Variants in ZMYND8 observed in about 807,000 individuals in gnomAD.
ZMYND8 encodes the protein MYND-type zinc finger-containing chromatin reader ZMYND8.
ZMYND8 carries 37 observed loss-of-function variants against 140.8 expected under a neutral mutation model. The observed-to-expected ratio is 0.26, with a 90% CI of 0.20 to 0.35. ZMYND8 has a LOEUF of 0.35. Among genes scored for constraint, ZMYND8 ranks in the 10% least tolerant of loss-of-function variants. ZMYND8 has a pLI of 1.00. For synonymous variants in ZMYND8, 592 were observed against 597.1 expected (o/e 0.99, Z 0.12); for missense variants, 1,068 against 1,570.0 (o/e 0.68, Z 5.40).
intron 2 of ZMYND8, among the ~76,000 whole-genome samples, chr20:47,339,313 G>C (rs533065793): frequency 1.3e-5 from 2 of 152,030 alleles, no homozygotes; most frequent in African/African-American, 2.4e-5. Context: ...GGGGTCTTCC[G>C]GGCATGGTTT....
chr20:47,245,403 C>T (rs546479742), intron 14 of ZMYND8, among the ~76,000 whole-genome samples: 28 of 152,230 alleles, frequency 1.8e-4, no homozygotes, highest in African/African-American at 4.6e-4. Flanking sequence ...CCTGCTACCA[C>T]GCCCCGCTAA....
At chr20:47,219,260 G>A (rs911626804) in intron 21 of ZMYND8, among the ~76,000 whole-genome samples, 22 of 151,806 alleles carry the variant, frequency 1.4e-4, no homozygotes, top group Admixed American at 1.1e-3. Context: ...GTTTCACCAT[G>A]TTGGTCAGGC....
intron 15 of ZMYND8, 40 bp downstream of exon 15, chr20:47,238,718 G>C (rs2039567274): frequency 2.5e-6 from 4 of 1,578,682 alleles, no homozygotes; most frequent in Non-Finnish European, 3.4e-6. Flanking sequence ...TGGCAAAATG[G>C]GAGCGGGCGC....
intron 2 of ZMYND8, chr20:47,319,006 G>A (rs776825609): frequency 3.0e-6 from 4 of 1,351,500 alleles, no homozygotes; most frequent in Non-Finnish European, 3.9e-6. Flanking sequence ...GTTCAAAAGA[G>A]AACAGAGGCT....
At chr20:47,272,334 C>T (rs2076005288) in intron 11 of ZMYND8, among the ~76,000 whole-genome samples, 1 of 152,146 alleles carries the variant, frequency 6.6e-6, no homozygotes, top group African/African-American at 2.4e-5. Flanking sequence ...GTCTCGACCT[C>T]CCAAAGTGCT....
intron 14 of ZMYND8, among the ~76,000 whole-genome samples, chr20:47,243,700 C>A (rs2040223875): frequency 6.6e-6 from 1 of 152,140 alleles, no homozygotes; most frequent in African/African-American, 2.4e-5. Context: ...GGTTATGTAT[C>A]CTTGTCAATC....
intron 10 of ZMYND8, among the ~76,000 whole-genome samples, chr20:47,280,900 C>T (rs771510687): frequency 3.9e-5 from 6 of 152,306 alleles, no homozygotes; most frequent in East Asian, 1.9e-4. Context: ...CTTCCCCTCC[C>T]GACCTCTGCT....
chr20:47,217,154 G>T (rs994410463), intron 21 of ZMYND8, among the ~76,000 whole-genome samples: 4 of 151,846 alleles, frequency 2.6e-5, no homozygotes, highest in African/African-American at 9.7e-5. Flanking sequence ...AAGGAGGGAG[G>T]TATAGAAACA....
chr20:47,281,875 C>T (rs2076627447), intron 10 of ZMYND8, among the ~76,000 whole-genome samples: 1 of 152,152 alleles, frequency 6.6e-6, no homozygotes, highest in Non-Finnish European at 1.5e-5. Flanking sequence ...GTTTCATCAA[C>T]AGACCCAGTA....
At position 47,271,371 on chromosome 20, in the gene ZMYND8, G is replaced by T. The variant is rs146789510; in HGVS notation, c.1480+4943C>A. 3.9e-5 allele frequency among the ~76,000 whole-genome samples: 6 copies of T among 152,312 alleles called. No individual in the cohort carries two copies. The East Asian group carries it at 1.2e-3, about 29-fold the overall frequency. ...TGCTTATCATTGTAGCACTAAAGTA[G>T]CCCCAAGCTGCTGTAGTACCTCTAG... On this transcript the variant is annotated intron_variant, in intron 11 of 22. Transcript: ENST00000471951.
intron 2 of ZMYND8, among the ~76,000 whole-genome samples, chr20:47,341,814 TA>T (rs1186801872): frequency 6.6e-6 from 1 of 151,262 alleles, no homozygotes; most frequent in Non-Finnish European, 1.5e-5. Flanking sequence ...CCATCCTGCC[TA>T]ACATGGGGAA....
At chr20:47,283,845 A>G (rs1055502477) in intron 8 of ZMYND8, among the ~76,000 whole-genome samples, 197 bp from the exon 9 acceptor site, 1 of 152,110 alleles carries the variant, frequency 6.6e-6, no homozygotes, top group African/African-American at 2.4e-5. Flanking sequence ...TCTCTGGACC[A>G]ATGCAACAGC....
chr20:47,223,739 T>A (rs1364974353), intron 19 of ZMYND8, among the ~76,000 whole-genome samples: 3 of 147,562 alleles, frequency 2.0e-5, no homozygotes, highest in Non-Finnish European at 1.5e-5. Context: ...GGCAGGAGAA[T>A]CGCTTGAACC....
intron 9 of ZMYND8, 53 bp downstream of exon 9, chr20:47,283,518 C>A: frequency 1.3e-6 from 2 of 1,591,418 alleles, no homozygotes; most frequent in South Asian, 2.2e-5. Context: ...TCAGGGTAGT[C>A]ATCCAAGGCA....
chr20:47,277,420 T>C (rs565608216), intron 10 of ZMYND8, among the ~76,000 whole-genome samples: 2 of 152,348 alleles, frequency 1.3e-5, no homozygotes, highest in Middle Eastern at 3.4e-3. Flanking sequence ...GAACAAACAA[T>C]GCCAGCAGCA....
intron 7 of ZMYND8, 115 bp from the exon 8 acceptor site, chr20:47,287,399 T>C: frequency 3.4e-6 from 3 of 889,836 alleles, no homozygotes; most frequent in Middle Eastern, 2.2e-4. Context: ...ATTAAGCTTT[T>C]AAAGGCTAAA....
chr20:47,302,209 G>GCT (rs56232020), intron 3 of ZMYND8, among the ~76,000 whole-genome samples: 152,336 of 152,336 alleles, frequency 1, 76,168 homozygotes, highest in Non-Finnish European at 1. Context: ...AGGCGTGGTG[G>GCT]CACGCCTGTA....
chr20:47,218,749 A>G (rs182172017), intron 21 of ZMYND8, among the ~76,000 whole-genome samples: 9 of 152,200 alleles, frequency 5.9e-5, no homozygotes, highest in African/African-American at 2.2e-4. Flanking sequence ...ATTTAATGCC[A>G]AGTTCATATC....
At chr20:47,238,067 T>C (rs532053749) in intron 15 of ZMYND8, 30 of 152,440 alleles carry the variant, frequency 2.0e-4, no homozygotes, top group African/African-American at 6.7e-4. Context: ...GGTTCCCTCA[T>C]GTGCACAAGG....
Sources: allele counts gnomAD v4.1 joint callset (sites outside exome capture counted in the v4.1 genomes callset), GRCh38; gene constraint gnomAD v4.1.1; transcripts MANE v1.5; gene names NCBI Gene and HGNC (gene_info 2026-07-23, HGNC 2026-07-21).